ZNF208: variants seen among roughly 807,000 people sequenced by gnomAD.
ZNF208 encodes the protein zinc finger protein 95.
A neutral mutation model predicts 12.1 loss-of-function variants in ZNF208; 10 were observed. The ratio of observed to expected loss-of-function variants is 0.83; its 90% confidence interval spans 0.51 to 1.40. ZNF208 has a LOEUF of 1.40. Ranked by LOEUF, ZNF208 falls within the 40% of genes most tolerant of loss-of-function variation. ZNF208 has a pLI of 0.00. For synonymous variants in ZNF208, 497 were observed against 488.4 expected, an observed-to-expected ratio of 1.02 and a Z score of -0.23; for missense variants, 1,652 against 1,485.0, an observed-to-expected ratio of 1.11 and a Z score of -1.85.
intron 1 of ZNF208, among the ~76,000 whole-genome samples, chr19:21,993,492 T>C (rs1282669886): frequency 2.6e-5 from 4 of 152,042 alleles, no homozygotes; most frequent in Non-Finnish European, 2.9e-5. Context: ...GGCCAAGTGA[T>C]ACTAATTAGA....
Position 21,985,586 on chromosome 19 carries a change from C to T in ZNF208, c.226+1630G>A, listed in dbSNP as rs57273837. 7.8e-3 allele frequency among the ~76,000 whole-genome samples: 1,181 copies of T among 152,286 alleles called. 13 individuals carry two copies. Among genetic ancestry groups the T allele is most frequent in the African/African-American group, 0.026 (1,091 of 41,556 alleles). ...AAATGTCCCACCCAACTTGGTCCCACGGAGAATTTTGAACTTACTCTGTAA... is the reference window on the plus strand; with the variant it reads ...AAATGTCCCACCCAACTTGGTCCCATGGAGAATTTTGAACTTACTCTGTAA... On this transcript the variant is annotated intron_variant, in intron 3 of 3. Transcript: ENST00000397126.
chr19:21,943,564 C>T (rs1195243922), intron 4 of ZNF208, among the ~76,000 whole-genome samples: 1 of 152,182 alleles, frequency 6.6e-6, no homozygotes, highest in South Asian at 2.1e-4. Flanking sequence ...ACAGGAGGAT[C>T]CTGATCCTCA....
chr19:21,952,666 C>T (rs150953190), intron 4 of ZNF208, among the ~76,000 whole-genome samples: 204 of 152,314 alleles, frequency 1.3e-3, no homozygotes, highest in African/African-American at 4.7e-3. Flanking sequence ...ATCTGTATGT[C>T]ACCAACATTA....
chr19:21,976,508 A>G (rs1970432763), intron 3 of ZNF208, among the ~76,000 whole-genome samples: 2 of 152,328 alleles, frequency 1.3e-5, no homozygotes, highest in Non-Finnish European at 2.9e-5. Flanking sequence ...TCAGAAAATT[A>G]TTTAAATATA....
chr19:21,971,290 A>T lies in ZNF208; in HGVS notation c.3744T>A (p.Thr1248=), dbSNP rs1384724544. ...SILTKHKVIH[T]GEKPYKCEEC... ...CTTCACATTTGTAGGGTTTCTCTCC[A>T]GTATGAATTACCTTATGTTTAGTGA... The change falls in exon 4 of 4, where the codon ACT becomes ACA. Residue 1248 remains threonine (T), a synonymous_variant. Transcript: ENST00000397126. 10 of 1,612,148 alleles carry T rather than the reference A, an allele frequency of 6.2e-6. No homozygotes were observed. Among genetic ancestry groups the T allele is most frequent in the Non-Finnish European group, 7.6e-6 (9 of 1,179,952 alleles).
Position 21,974,766 on chromosome 19 carries a change from C to T in ZNF208, c.268G>A (p.Gly90Ser), listed in dbSNP as rs2145552868. 1 of 1,587,902 alleles carries T rather than the reference C, an allele frequency of 6.3e-7. No individual in the cohort carries two copies. Among genetic ancestry groups the T allele is most frequent in the South Asian group, 1.2e-5 (1 of 86,708 alleles). ...HFAQDLWPEQ[G>S]IEDSFQKVIL... is the part of the protein sequence containing the mutation. Reference sequence around the variant, plus strand: ...ACTTTTTGGAAAGAATCTTCTATGCCCTGCTCTGGCCAAAGATCTTGAGCA... The same window carrying T: ...ACTTTTTGGAAAGAATCTTCTATGCTCTGCTCTGGCCAAAGATCTTGAGCA... The change falls in exon 4 of 4, where the codon GGC becomes AGC. Residue 90 changes from glycine (G) to serine (S), a missense_variant. Gly to Ser is a moderately conservative substitution (Grantham distance 56). Transcript: ENST00000397126.
chr19:21,985,883 G>A (rs1377580289), intron 3 of ZNF208, among the ~76,000 whole-genome samples: 3 of 152,124 alleles, frequency 2.0e-5, no homozygotes, highest in Admixed American at 6.6e-5. Context: ...CCCACCATAC[G>A]CAGACCTGAC....
intron 3 of ZNF208, among the ~76,000 whole-genome samples, chr19:21,978,004 G>A (rs991154997): frequency 6.6e-6 from 1 of 152,112 alleles, no homozygotes; most frequent in African/African-American, 2.4e-5. Context: ...AGCTCAGCAA[G>A]ACCAGACTGT....
downstream of ZNF208, among the ~76,000 whole-genome samples, chr19:21,962,741 T>A (rs1260973475): frequency 2.6e-5 from 4 of 152,172 alleles, no homozygotes; most frequent in East Asian, 7.7e-4. Flanking sequence ...AAACTATAAA[T>A]CTTTTCAAAA....
intron 1 of ZNF208, among the ~76,000 whole-genome samples, chr19:22,010,395 T>C (rs1350167060): frequency 6.6e-6 from 1 of 152,168 alleles, no homozygotes; most frequent in Non-Finnish European, 1.5e-5. Context: ...GTGACTTCCA[T>C]AAATTTTTAA....
At chr19:21,989,237 C>G (rs572418217) in intron 1 of ZNF208, among the ~76,000 whole-genome samples, 3 of 103,948 alleles carry the variant, frequency 2.9e-5, no homozygotes, top group African/African-American at 3.7e-5. Flanking sequence ...TCCCTCCCCC[C>G]ACCCCCCACC....
Position 21,959,083 on chromosome 19 carries a change from TA to T in ZNF208, c.305+15645del, listed in dbSNP as rs879462154. 8.4e-3 allele frequency among the ~76,000 whole-genome samples: 1,211 copies of T among 144,784 alleles called. 19 individuals carry two copies. Among genetic ancestry groups the T allele is most frequent in the African/African-American group, 0.027 (1,053 of 39,726 alleles). 95.0% of individuals were successfully genotyped at this position (144,784 alleles called of 152,430 possible). On this transcript the variant is annotated intron_variant, in intron 4 of 4. Coordinates refer to the ZNF208 transcript ENST00000599916. Reference sequence around the variant, plus strand: ...GGTGACAGAGACTCAGTCTCATGATTAAAAAAAAAAAGGAACTAATCTTTCA... The same window carrying T: ...GGTGACAGAGACTCAGTCTCATGATTAAAAAAAAAAGGAACTAATCTTTCA...
intron 4 of ZNF208, among the ~76,000 whole-genome samples, chr19:21,952,428 G>A (rs566931682): frequency 6.6e-6 from 1 of 152,304 alleles, no homozygotes; most frequent in Non-Finnish European, 1.5e-5. Context: ...ATAGGTGGGT[G>A]CCCCTCTGGG....
At chr19:21,958,788 C>A (rs1970018106) in intron 4 of ZNF208, among the ~76,000 whole-genome samples, 2 of 152,016 alleles carry the variant, frequency 1.3e-5, no homozygotes, top group African/African-American at 4.8e-5. Flanking sequence ...AATATCAATG[C>A]CTATTCTCCC....
rs1382149729 is a variant in ZNF208 at position 21,966,701 on chromosome 19, T to A, written c.*4490A>T. 1 of 152,176 alleles carries A rather than the reference T, an allele frequency of 6.6e-6. No individual in the cohort carries two copies. The highest frequency in any genetic ancestry group is 2.4e-5 in the African/African-American group (1 of 41,454). The allele number at this position is 152,176 out of a possible 1,614,324, so 9.4% of individuals were successfully genotyped here. On this transcript the variant is annotated 3_prime_UTR_variant, in exon 4 of 4. Transcript: ENST00000397126. The stretch of plus-strand genomic sequence containing the variant: ...TCCCCAAACTGCTTTGCACAGGTTC[T>A]GAATTAATTTGCATTCCCACCAACA...
chr19:22,008,030 C>T (rs1317876666), intron 1 of ZNF208, among the ~76,000 whole-genome samples: 7 of 135,130 alleles, frequency 5.2e-5, no homozygotes, highest in South Asian at 2.3e-4. Context: ...AAGGGCCGGG[C>T]GCGGTGGCTC....
Position 21,966,710 on chromosome 19 carries a change from T to C in ZNF208, c.*4481A>G, listed in dbSNP as rs371029331. 39 of 152,136 alleles carry C rather than the reference T, an allele frequency of 2.6e-4. No homozygotes were observed. The highest frequency in any genetic ancestry group is 8.2e-4 in the African/African-American group (34 of 41,430). 9.4% of individuals were successfully genotyped at this position (152,136 alleles called of 1,614,324 possible). A position where few individuals can be genotyped will look rare whatever the true frequency, so the allele number is the denominator to read the frequency against. On this transcript the variant is annotated 3_prime_UTR_variant, in exon 4 of 4. Transcript: ENST00000397126. ...TGCTTTGCACAGGTTCTGAATTAAT[T>C]TGCATTCCCACCAACAGTGTAGAAA...
chr19:21,992,194 T>C (rs1387547093), intron 1 of ZNF208, among the ~76,000 whole-genome samples: 3 of 152,152 alleles, frequency 2.0e-5, no homozygotes, highest in Admixed American at 6.6e-5. Flanking sequence ...AATTCTATAG[T>C]GAAAAAATGT....
At chr19:21,955,035 A>G (rs1229434004) in intron 4 of ZNF208, among the ~76,000 whole-genome samples, 2 of 152,236 alleles carry the variant, frequency 1.3e-5, no homozygotes, top group African/African-American at 4.8e-5. Context: ...TGGTGGTGAC[A>G]AAATCTCTCA....
Sources: gnomAD v4.1 joint callset for allele counts (sites outside exome capture counted in the v4.1 genomes callset) on GRCh38, gnomAD v4.1.1 for gene constraint, MANE v1.5 for transcripts, NCBI Gene and HGNC (gene_info 2026-07-23, HGNC 2026-07-21) for gene names.